Variants in CDKAL1 observed in about 807,000 individuals in gnomAD.
CDKAL1 encodes threonylcarbamoyladenosine tRNA methylthiotransferase.
CDKAL1 carries 32 observed loss-of-function variants against 68.2 expected under a neutral mutation model. The ratio of observed to expected loss-of-function variants is 0.47; its 90% CI spans 0.35 to 0.63. The LOEUF (loss-of-function observed/expected upper bound fraction) is 0.63. CDKAL1 is among the 30% of genes least tolerant of loss of function. The pLI is 0.00. For missense variants in CDKAL1, 606 were observed against 696.7 expected, an observed-to-expected ratio of 0.87 and a Z score of 1.47; for synonymous variants, 234 against 244.3, an observed-to-expected ratio of 0.96 and a Z score of 0.39.
chr6:20,886,107 A>G (rs755967935), intron 9 of CDKAL1, among the ~76,000 whole-genome samples: 1 of 152,180 alleles, frequency 6.6e-6, no homozygotes, highest in Non-Finnish European at 1.5e-5. Flanking sequence ...AAAGATTTGA[A>G]TAGATATTTT....
chr6:20,900,045 T>A (rs1761886689), intron 9 of CDKAL1, among the ~76,000 whole-genome samples: 1 of 152,212 alleles, frequency 6.6e-6, no homozygotes, highest in Non-Finnish European at 1.5e-5. Flanking sequence ...CACCCTCTGT[T>A]CTTACTATTG....
At chr6:20,761,737 C>T (rs1413808921) in intron 7 of CDKAL1, among the ~76,000 whole-genome samples, 5 of 152,080 alleles carry the variant, frequency 3.3e-5, no homozygotes, top group African/African-American at 4.8e-5. Flanking sequence ...AAGGAGTAAA[C>T]GGATCAGTTG....
intron 10 of CDKAL1, among the ~76,000 whole-genome samples, chr6:20,973,273 A>G (rs1192110325): frequency 6.6e-6 from 1 of 152,194 alleles, no homozygotes; most frequent in Non-Finnish European, 1.5e-5. Context: ...CCTTAAAAAC[A>G]ATGTATCACA....
At chr6:20,922,658 C>T (rs532751991) in intron 9 of CDKAL1, among the ~76,000 whole-genome samples, 3 of 152,150 alleles carry the variant, frequency 2.0e-5, no homozygotes, top group African/African-American at 7.2e-5. Flanking sequence ...TGTGTTTCAC[C>T]CAAAACAACA....
chr6:20,723,292 A>G (rs892787299), intron 5 of CDKAL1, among the ~76,000 whole-genome samples: 19 of 152,202 alleles, frequency 1.2e-4, no homozygotes, highest in African/African-American at 4.6e-4. Flanking sequence ...TGCGGATGGC[A>G]GAACTAAAGA....
rs981208127 is a variant in CDKAL1 at position 21,127,605 on chromosome 6, C to T, written c.1299+19142C>T. Among the ~76,000 whole-genome samples, 3 of 152,088 alleles carry T rather than the reference C, an allele frequency of 2.0e-5. No homozygotes were observed. In the East Asian group the frequency reaches 5.8e-4, roughly 29 times the overall value. ...TCTCTACTAAAAATACAAAAATTAG[C>T]TGGGTGTCCTGGTGGGTGCCTGTAA... On this transcript the variant is annotated intron_variant, in intron 13 of 15. Transcript: ENST00000274695.
intron 10 of CDKAL1, among the ~76,000 whole-genome samples, chr6:20,994,855 G>A (rs1457926425): frequency 6.6e-6 from 1 of 152,178 alleles, no homozygotes; most frequent in Non-Finnish European, 1.5e-5. Context: ...CGATGTTGAT[G>A]GCTATGGACT....
At chr6:21,069,456 T>C (rs1771634863) in intron 12 of CDKAL1, among the ~76,000 whole-genome samples, 1 of 152,208 alleles carries the variant, frequency 6.6e-6, no homozygotes, top group South Asian at 2.1e-4. Flanking sequence ...CTACATTGAA[T>C]GGTTTTCAAA....
intron 5 of CDKAL1, among the ~76,000 whole-genome samples, chr6:20,659,627 C>T (rs2127769625): frequency 6.6e-6 from 1 of 152,242 alleles, no homozygotes; most frequent in South Asian, 2.1e-4. Flanking sequence ...CTGATTTCTC[C>T]CAAATCTTCG....
chr6:21,029,423 A>G (rs150655807), intron 11 of CDKAL1, among the ~76,000 whole-genome samples: 1 of 152,254 alleles, frequency 6.6e-6, no homozygotes, highest in East Asian at 1.9e-4. Context: ...AACAAGATGA[A>G]AATAAAAGTA....
intron 11 of CDKAL1, among the ~76,000 whole-genome samples, chr6:21,027,832 A>G (rs1185431053): frequency 1.3e-5 from 2 of 152,218 alleles, no homozygotes; most frequent in African/African-American, 4.8e-5. Flanking sequence ...AGGTAAGACC[A>G]ATGAGAGTAA....
intron 8 of CDKAL1, among the ~76,000 whole-genome samples, chr6:20,805,581 C>G (rs958900128): frequency 4.6e-5 from 7 of 152,130 alleles, no homozygotes; most frequent in African/African-American, 1.7e-4. Flanking sequence ...GTAACTATAG[C>G]TGTGGTAAAA....
chr6:20,897,388 T>G (rs1182667673), intron 9 of CDKAL1, among the ~76,000 whole-genome samples: 14 of 151,972 alleles, frequency 9.2e-5, no homozygotes, highest in Non-Finnish European at 2.9e-5. Context: ...AAGAAGTGAT[T>G]AGTATGCCAA....
chr6:21,215,314 CATG>C (rs1456838425), intron 15 of CDKAL1, among the ~76,000 whole-genome samples: 78 of 152,302 alleles, frequency 5.1e-4, no homozygotes, highest in African/African-American at 1.8e-3. Flanking sequence ...CCTCTGCATG[CATG>C]ATGTTTGGTA....
chr6:20,922,606 C>G (rs976752538), intron 9 of CDKAL1, among the ~76,000 whole-genome samples: 1 of 152,270 alleles, frequency 6.6e-6, no homozygotes, highest in African/African-American at 2.4e-5. Flanking sequence ...TTTCCCTATG[C>G]ATTGCAATCA....
intron 9 of CDKAL1, among the ~76,000 whole-genome samples, chr6:20,857,953 G>C (rs1432930430): frequency 2.6e-5 from 4 of 152,096 alleles, no homozygotes; most frequent in Non-Finnish European, 5.9e-5. Context: ...TCTTCCTCCC[G>C]GGTTCAAGTG....
In CDKAL1 at chr6:20,594,760, A is replaced by G. The variant is rs191538138; in HGVS notation, c.286+46055A>G. 9.7e-4 allele frequency among the ~76,000 whole-genome samples: 147 copies of G among 152,114 alleles called. 2 individuals carry two copies. The East Asian group carries it at 0.016, about 16-fold the overall frequency. On this transcript the variant is annotated intron_variant, in intron 4 of 15. Transcript: ENST00000274695. ...GTTATTTTGCCCATTAGTTGATGCAATTTCTTCATAGCATTGATGGTCTTT... is the reference window on the plus strand; with the variant it reads ...GTTATTTTGCCCATTAGTTGATGCAGTTTCTTCATAGCATTGATGGTCTTT...
At chr6:21,117,661 C>G (rs1321992698) in intron 13 of CDKAL1, among the ~76,000 whole-genome samples, 1 of 152,110 alleles carries the variant, frequency 6.6e-6, no homozygotes, top group African/African-American at 2.4e-5. Context: ...CATTATTTAT[C>G]TGAAATTTGT....
In CDKAL1 at chr6:20,781,264, G is replaced by A. The variant is rs1306496540; in HGVS notation, c.637G>A (p.Gly213Arg). The A allele has an allele frequency of 3.1e-6, 5 of 1,605,990 alleles. No individual in the cohort carries two copies. Among genetic ancestry groups the A allele is most frequent in the Non-Finnish European group, 4.2e-6 (5 of 1,177,258 alleles). ...GATAGAAATCATTTCCATCAATACCGGGTAAGCATCTCTCAAACTTGCTCA... is the reference window on the plus strand; with the variant it reads ...GATAGAAATCATTTCCATCAATACCAGGTAAGCATCTCTCAAACTTGCTCA... Reference protein sequence around the residue: ...PLIEIISINTGCLNACTYCKT... With the variant: ...PLIEIISINTRCLNACTYCKT... The change falls in exon 8 of 16, where the codon GGG becomes AGG. Residue 213 changes from glycine to arginine, a missense_variant and splice_region_variant. Gly to Arg is a moderately radical substitution (Grantham distance 125). Transcript: ENST00000274695.
Sources: gnomAD v4.1 joint callset for allele counts (sites outside exome capture counted in the v4.1 genomes callset) on GRCh38, gnomAD v4.1.1 for gene constraint, MANE v1.5 for transcripts, NCBI Gene and HGNC (gene_info 2026-07-23, HGNC 2026-07-21) for gene names.